Variants in PCDHA4 observed in about 807,000 individuals in gnomAD.
PCDHA4 encodes protocadherin alpha 4.
A neutral mutation model predicts 61.4 loss-of-function variants in PCDHA4; 49 were observed. The ratio of observed to expected loss-of-function variants is 0.80; its 90% CI spans 0.63 to 1.01. PCDHA4 has a LOEUF of 1.01. PCDHA4 is among the 50% of genes least tolerant of loss of function. The probability of loss-of-function intolerance (pLI) is 0.00; values close to 1 mark genes in which losing one functional copy is unlikely to be tolerated. For synonymous variants in PCDHA4, 590 were observed against 550.3 expected, an observed-to-expected ratio of 1.07 and a Z score of -1.01; for missense variants, 1,254 against 1,235.8, an observed-to-expected ratio of 1.01 and a Z score of -0.22.
At chr5:140,964,721 C>T (rs2095851062) in intron 1 of PCDHA4, among the ~76,000 whole-genome samples, 1 of 151,598 alleles carries the variant, frequency 6.6e-6, no homozygotes, top group East Asian at 1.9e-4. Flanking sequence ...CAAATTACCA[C>T]AGCAAACTGA....
intron 1 of PCDHA4, chr5:140,860,149 A>ATG (rs1239190968): frequency 6.7e-6 from 1 of 150,348 alleles, no homozygotes; most frequent in East Asian, 1.9e-4. Context: ...ATATGTATAT[A>ATG]TGTGTATATA....
In PCDHA4 at chr5:140,807,588, C is replaced by T. The variant is rs146575746; in HGVS notation, c.401C>T (p.Pro134Leu). The T allele has an allele frequency of 5.2e-3, 8,452 of 1,614,134 alleles. 639 individuals are homozygous for T. In the Admixed American group the frequency reaches 0.13, roughly 25 times the overall value. The change falls in exon 1 of 4, where the codon CCA becomes CTA. Residue 134 changes from proline to leucine, a missense_variant. By Grantham distance (98) the Pro-to-Leu change is moderately conservative. Coordinates refer to ENST00000530339, the MANE Select transcript of PCDHA4 (RefSeq NM_018907.4). Reference sequence around the variant, plus strand: ...ATTAACGATAACCCGCCGGTGTTCCCAGCAACACAAAAGAACCTGTCCATC... The same window carrying T: ...ATTAACGATAACCCGCCGGTGTTCCTAGCAACACAAAAGAACCTGTCCATC... ...RDINDNPPVF[P>L]ATQKNLSIAE... is the part of the protein sequence containing the mutation.
chr5:140,866,320 C>T (rs1351694984), intron 1 of PCDHA4: 2 of 152,154 alleles, frequency 1.3e-5, no homozygotes, highest in African/African-American at 2.4e-5. Context: ...ATTTCAGGGA[C>T]CCTGAACTTG....
intron 1 of PCDHA4, chr5:140,930,355 C>G (rs1044171600): frequency 6.6e-6 from 1 of 151,448 alleles, no homozygotes; most frequent in Non-Finnish European, 1.5e-5. Context: ...TCAAATATTT[C>G]AATTTATCTG....
rs541015740 is a variant in PCDHA4 at position 140,862,949 on chromosome 5, C to T, written c.2385+53377C>T. 3 of 542,876 alleles carry T rather than the reference C, an allele frequency of 5.5e-6. No individual in the cohort carries two copies. In the Admixed American group the frequency reaches 5.9e-5, roughly 11 times the overall value. The allele number at this position is 542,876 out of a possible 1,614,324, so 33.6% of individuals were successfully genotyped here. A position where few individuals can be genotyped will look rare whatever the true frequency, so the allele number is the denominator to read the frequency against. On this transcript the variant is annotated intron_variant, in intron 1 of 3. Transcript: ENST00000530339. The stretch of plus-strand genomic sequence containing the variant: ...TGGCGGCGCTGTGAGTGAGCTGGTG[C>T]GGTATTCAGTGGATGCAGGCCACTT...
chr5:140,950,668 T>C (rs185130303), intron 1 of PCDHA4, among the ~76,000 whole-genome samples: 5 of 152,238 alleles, frequency 3.3e-5, no homozygotes, highest in African/African-American at 9.6e-5. Flanking sequence ...TTATCAAACA[T>C]GTACATGTAT....
chr5:140,980,490 C>T (rs185528514), intron 2 of PCDHA4, among the ~76,000 whole-genome samples: 39 of 152,096 alleles, frequency 2.6e-4, no homozygotes, highest in Admixed American at 4.6e-4. Context: ...ATTAGCTGGG[C>T]GTGATGGCAT....
chr5:140,860,511 C>T (rs2046428748), intron 1 of PCDHA4: 2 of 152,066 alleles, frequency 1.3e-5, no homozygotes, highest in Non-Finnish European at 2.9e-5. Flanking sequence ...CAAGATAAAA[C>T]TCTTCATGGA....
At chr5:140,828,394 G>T in intron 1 of PCDHA4, 1 of 1,614,292 alleles carries the variant, frequency 6.2e-7, no homozygotes, top group Non-Finnish European at 8.5e-7. Flanking sequence ...GGAGCGCGGA[G>T]TGCAGCATCC....
chr5:140,915,744 G>A (rs2077291791), intron 1 of PCDHA4, among the ~76,000 whole-genome samples: 1 of 151,896 alleles, frequency 6.6e-6, no homozygotes, highest in South Asian at 2.1e-4. Flanking sequence ...CAGACCTATA[G>A]CCAGCACAGC....
At chr5:140,849,775 C>T (rs369759015) in intron 1 of PCDHA4, 5 of 1,598,318 alleles carry the variant, frequency 3.1e-6, no homozygotes, top group African/African-American at 1.3e-5. Context: ...GTGGTTACCG[C>T]GCGGGACGGG....
At chr5:140,943,267 AAAAAAAAAAAG>A in intron 1 of PCDHA4, among the ~76,000 whole-genome samples, 2 of 150,426 alleles carry the variant, frequency 1.3e-5, no homozygotes, top group South Asian at 2.1e-4. Context: ...CAAAAAAAAA[AAAAAAAAAAAG>A]AAAGAAAGAA....
rs2150457668 is a variant in PCDHA4 at position 140,849,921 on chromosome 5, A to T, written c.2385+40349A>T. The T allele has an allele frequency of 1.2e-5, 19 of 1,598,094 alleles. 1 individual carries two copies. Among genetic ancestry groups the T allele is most frequent in the Non-Finnish European group, 1.5e-5 (17 of 1,167,772 alleles). Reference sequence around the variant, plus strand: ...CAACCCGCCGGGCTGCCACATCTTCACGGTGTCTGCGCGGGACGCTGACGC... The same window carrying T: ...CAACCCGCCGGGCTGCCACATCTTCTCGGTGTCTGCGCGGGACGCTGACGC... On this transcript the variant is annotated intron_variant, in intron 1 of 3. Transcript: ENST00000530339.
chr5:140,925,172 C>T (rs1176049315), intron 1 of PCDHA4, among the ~76,000 whole-genome samples: 2 of 151,994 alleles, frequency 1.3e-5, no homozygotes, highest in Admixed American at 6.6e-5. Context: ...TGTAATTGAC[C>T]CCAATGTACC....
chr5:140,928,835 C>G (rs782027566), intron 1 of PCDHA4: 1 of 1,614,036 alleles, frequency 6.2e-7, no homozygotes, highest in African/African-American at 1.3e-5. Context: ...CCACTTTCCT[C>G]CTCTGTCACT....
At chr5:140,851,696 A>G (rs1174127809) in intron 1 of PCDHA4, 1 of 941,376 alleles carries the variant, frequency 1.1e-6, no homozygotes, top group African/African-American at 1.8e-5. Context: ...TGATAAAATG[A>G]TCAGCCATGT....
intron 1 of PCDHA4, chr5:140,855,859 C>T: frequency 1.4e-6 from 1 of 728,300 alleles, no homozygotes; most frequent in Non-Finnish European, 2.2e-6. Flanking sequence ...CCGGATGTCG[C>T]TGTCGTCCAC....
chr5:140,996,701 A>G (rs782320896), intron 3 of PCDHA4, among the ~76,000 whole-genome samples: 2 of 152,130 alleles, frequency 1.3e-5, no homozygotes, highest in Non-Finnish European at 2.9e-5. Flanking sequence ...CTGAACCTCT[A>G]TCTCTTTGAT....
At position 140,808,370 on chromosome 5, in the gene PCDHA4, T is replaced by C. The variant is rs1156251617; in HGVS notation, c.1183T>C (p.Phe395Leu). ...VTCSLTSHVP[F>L]KLVSTFKNYY... is the part of the protein sequence containing the mutation. ...CTGCTCCTTGACGTCCCACGTCCCCTTCAAGCTGGTGTCCACCTTCAAGAA... is the reference window on the plus strand; with the variant it reads ...CTGCTCCTTGACGTCCCACGTCCCCCTCAAGCTGGTGTCCACCTTCAAGAA... Residue 395 changes from phenylalanine to leucine, a missense_variant, in exon 1 of 4, where the codon TTC (phenylalanine) becomes CTC (leucine). Phe to Leu is a conservative substitution (Grantham distance 22). Coordinates refer to ENST00000530339, the MANE Select transcript of PCDHA4 (RefSeq NM_018907.4). The C allele has an allele frequency of 1.9e-6, 3 of 1,614,086 alleles. No homozygotes were observed. The highest frequency in any genetic ancestry group is 2.5e-6 in the Non-Finnish European group (3 of 1,180,058).
Sources: allele counts gnomAD v4.1 joint callset (sites outside exome capture counted in the v4.1 genomes callset), GRCh38; gene constraint gnomAD v4.1.1; transcripts MANE v1.5; gene names NCBI Gene and HGNC (gene_info 2026-07-23, HGNC 2026-07-21).